HERC1: variants seen among roughly 807,000 people sequenced by gnomAD.
The protein encoded by HERC1 is HECT and RLD domain containing E3 ubiquitin protein ligase family member 1, also known as probable E3 ubiquitin-protein ligase HERC1.
In HERC1, 160 loss-of-function variants were observed where a neutral mutation model predicts 554.3. The observed-to-expected ratio is 0.29, with a 90% CI of 0.25 to 0.33. The LOEUF (loss-of-function observed/expected upper bound fraction) is 0.33. HERC1 is among the 10% of genes least tolerant of loss of function. HERC1 has a pLI of 1.00. For synonymous variants in HERC1, 2,175 were observed against 2,131.7 expected (o/e 1.02, Z -0.56); for missense variants, 4,919 against 5,918.5 (o/e 0.83, Z 5.54).
chr15:63,610,459 G>C (rs1595806840), intron 77 of HERC1, among the ~76,000 whole-genome samples: 1 of 152,214 alleles, frequency 6.6e-6, no homozygotes, highest in East Asian at 1.9e-4. Flanking sequence ...TTAACTCCTA[G>C]AACGGCAGGA....
chr15:63,829,394 G>T (rs2078049815), intron 1 of HERC1, among the ~76,000 whole-genome samples: 1 of 150,968 alleles, frequency 6.6e-6, no homozygotes, highest in Admixed American at 6.6e-5. Context: ...CGGCACTGCA[G>T]CCTGGGTGAC....
intron 1 of HERC1, among the ~76,000 whole-genome samples, chr15:63,826,814 AATATATATATATAT>A (rs1555454978): frequency 2.2e-4 from 5 of 22,262 alleles, no homozygotes; most frequent in Middle Eastern, 0.029. Context: ...AAAAAAAAAA[AATATATATATATAT>A]ATATATATAT....
intron 1 of HERC1, among the ~76,000 whole-genome samples, chr15:63,793,504 G>T (rs948421637): frequency 5.9e-5 from 9 of 152,128 alleles, no homozygotes; most frequent in African/African-American, 2.2e-4. Flanking sequence ...TCAGTTTCGG[G>T]AATTGCCCAC....
chr15:63,616,477 T>C lies in HERC1; in HGVS notation c.13894A>G (p.Ile4632Val), dbSNP rs781743102. 27 of 1,613,904 alleles carry C rather than the reference T, an allele frequency of 1.7e-5. No homozygotes were observed. Among genetic ancestry groups the C allele is most frequent in the Non-Finnish European group, 2.2e-5 (26 of 1,179,898 alleles). ...ATCCCACTGTCTTCAATGTGAAGAA[T>C]GCTGTTGAGAGTCTGCACGTAGAGC... Reference protein sequence around the residue: ...DLLYVQTLNSILHIEDSGITE... With the variant: ...DLLYVQTLNSVLHIEDSGITE... The change falls in exon 75 of 78, where the codon ATT (isoleucine) becomes GTT (valine). Residue 4632 changes from isoleucine (I) to valine (V), a missense_variant. Ile to Val is a conservative substitution (Grantham distance 29). Coordinates refer to ENST00000443617, the MANE Select transcript of HERC1 (RefSeq NM_003922.4).
Position 63,677,698 on chromosome 15 carries a change from C to T in HERC1, c.7070+147G>A, listed in dbSNP as rs1378872850. The T allele has an allele frequency of 2.4e-5, 32 of 1,333,110 alleles. No individual in the cohort carries two copies. In the Admixed American group the frequency reaches 4.5e-4, roughly 19 times the overall value. 82.6% of individuals were successfully genotyped at this position (1,333,110 alleles called of 1,614,324 possible). ...TAGGAAATTCTCCTTTAAGAAATTA[C>T]AGTAGAAACATCTAGCTGCATGAGA... On this transcript the variant is annotated intron_variant, in intron 37 of 77. Coordinates refer to ENST00000443617, the MANE Select transcript of HERC1 (RefSeq NM_003922.4). The surrounding 1 kb of genome is among the most constrained non-coding windows in gnomAD (Gnocchi z 4.4).
At chr15:63,760,557 G>A (rs1045209172) in intron 3 of HERC1, among the ~76,000 whole-genome samples, 2 of 150,744 alleles carry the variant, frequency 1.3e-5, no homozygotes, top group African/African-American at 2.4e-5. Flanking sequence ...TGGAACTGAA[G>A]ACTAAACTAG....
chr15:63,824,547 A>T (rs1451377171), intron 1 of HERC1, among the ~76,000 whole-genome samples: 9 of 151,314 alleles, frequency 5.9e-5, no homozygotes, highest in Non-Finnish European at 1.3e-4. Flanking sequence ...AAAAAAAAAA[A>T]AATTAAAAAG....
At chr15:63,743,466 T>C (rs1247641882) in intron 12 of HERC1, among the ~76,000 whole-genome samples, 1 of 152,038 alleles carries the variant, frequency 6.6e-6, no homozygotes, top group Non-Finnish European at 1.5e-5. Context: ...GGTTTCACCA[T>C]GTTGGCTAGG....
intron 12 of HERC1, among the ~76,000 whole-genome samples, chr15:63,735,354 T>A (rs1596103333): frequency 8.2e-6 from 1 of 121,550 alleles, no homozygotes; most frequent in Non-Finnish European, 1.6e-5. Flanking sequence ...TTAGAACACA[T>A]GGACACAGGA....
intron 2 of HERC1, among the ~76,000 whole-genome samples, chr15:63,768,561 C>G (rs2075853790): frequency 1.3e-5 from 2 of 152,208 alleles, no homozygotes; most frequent in South Asian, 4.1e-4. Flanking sequence ...CAATTGTGAT[C>G]TGTGGCTTCG....
intron 8 of HERC1, among the ~76,000 whole-genome samples, chr15:63,751,271 C>T (rs991236000): frequency 6.6e-6 from 1 of 152,178 alleles, no homozygotes; most frequent in African/African-American, 2.4e-5. Flanking sequence ...CATTATATTA[C>T]AATTTCTGAA....
At chr15:63,703,883 C>CT (rs1021411219) in intron 25 of HERC1, among the ~76,000 whole-genome samples, 1 of 150,716 alleles carries the variant, frequency 6.6e-6, no homozygotes, top group Non-Finnish European at 1.5e-5. Context: ...CACCACTGTA[C>CT]TCCAGCCTGG....
rs777142053 is a variant in HERC1, at chr15:63,678,202, A to G, written c.6713T>C (p.Met2238Thr). 1.2e-6 allele frequency: 2 copies of G among 1,613,752 alleles called. No homozygotes were observed. The highest frequency in any genetic ancestry group is 1.7e-6 in the Non-Finnish European group (2 of 1,179,848). The stretch of plus-strand genomic sequence containing the variant: ...TATCTTAATTTTGTGAAGCCTTTCC[A>G]TCATTTTTTTGTTAATGCAGTAAGT... ...RWTYCINKKM[M>T]ERLHKIKICI... Residue 2238 changes from methionine to threonine, a missense_variant, in exon 37 of 78, where the codon ATG becomes ACG. Met to Thr is a moderately conservative substitution (Grantham distance 81). Coordinates refer to ENST00000443617, the MANE Select transcript of HERC1 (RefSeq NM_003922.4).
In HERC1 at chr15:63,691,396, T is replaced by G. The variant is rs573923529; in HGVS notation, c.5831-749A>C. Among the ~76,000 whole-genome samples, 14 of 151,978 alleles carry G rather than the reference T, an allele frequency of 9.2e-5. No homozygotes were observed. In the South Asian group the frequency reaches 2.3e-3, roughly 25 times the overall value. ...CGGGAGGATCACTTGAGCCTGGAAG[T>G]GAGAGGTTGCAGTGAGTTGAGATCA... On this transcript the variant is annotated intron_variant, in intron 31 of 77. Transcript: ENST00000443617.
chr15:63,655,687 T>C, intron 50 of HERC1, 55 bp downstream of exon 50: 1 of 1,226,840 alleles, frequency 8.2e-7, no homozygotes, highest in Non-Finnish European at 1.1e-6. Flanking sequence ...AAAAACATTA[T>C]TTAAAAATAA....
chr15:63,675,088 G>C lies in HERC1; in HGVS notation c.7100C>G (p.Thr2367Ser). ...SFPTFWSPSD[T>S]PLYNLEPCEP... Reference sequence around the variant, plus strand: ...ACAGGGTTCCAGATTATACAATGGAGTATCACTAGGCGACCAAAAAGTTGG... The same window carrying C: ...ACAGGGTTCCAGATTATACAATGGACTATCACTAGGCGACCAAAAAGTTGG... Residue 2367 changes from threonine to serine, a missense_variant, in exon 38 of 78, where the codon ACT becomes AGT. Physicochemically the swap from Thr to Ser is moderately conservative, Grantham distance 58 (BLOSUM62 1). Coordinates refer to ENST00000443617, the MANE Select transcript of HERC1 (RefSeq NM_003922.4). 2 of 1,595,188 alleles carry C rather than the reference G, an allele frequency of 1.3e-6. No individual in the cohort carries two copies. The highest frequency in any genetic ancestry group is 1.7e-6 in the Non-Finnish European group (2 of 1,168,582).
chr15:63,608,827 T>C lies in HERC1; in HGVS notation c.*254A>G. ...GCACCAAAATGGTTTCATGCAAACT[T>C]ATCAAAAGTGACCAAAAATATGGAG... On this transcript the variant is annotated 3_prime_UTR_variant, in exon 78 of 78. Coordinates refer to ENST00000443617, the MANE Select transcript of HERC1 (RefSeq NM_003922.4). 2.9e-6 allele frequency: 1 copy of C among 341,638 alleles called. No individual in the cohort carries two copies. 21.2% of individuals were successfully genotyped at this position (341,638 alleles called of 1,614,324 possible).
Position 63,680,688 on chromosome 15 carries a change from G to C in HERC1, c.6314C>G (p.Thr2105Ser). The C allele has an allele frequency of 6.2e-7, 1 of 1,613,730 alleles. No individual in the cohort carries two copies. The highest frequency in any genetic ancestry group is 8.5e-7 in the Non-Finnish European group (1 of 1,179,728). The change falls in exon 35 of 78, where the codon ACC becomes AGC. Residue 2105 changes from threonine to serine, a missense_variant. By Grantham distance (58) the Thr-to-Ser change is moderately conservative. Transcript: ENST00000443617. The surrounding 1 kb of genome is among the most constrained non-coding windows in gnomAD (Gnocchi z 5.8). The stretch of plus-strand genomic sequence containing the variant: ...GGCCCTATAGAGCCACATATCCGAG[G>C]TAGTGCGGTGATTAAAGTCATGTAC... ...WPVHDFNHRTTSDMWLYRAYS... is the reference protein window; with the variant it reads ...WPVHDFNHRTSSDMWLYRAYS...
chr15:63,819,648 A>T (rs756547006), intron 1 of HERC1, among the ~76,000 whole-genome samples: 19 of 152,308 alleles, frequency 1.2e-4, no homozygotes, highest in Non-Finnish European at 2.8e-4. Context: ...AATCAAAGCA[A>T]TAGGTAGTCT....
Sources: allele counts gnomAD v4.1 joint callset (sites outside exome capture counted in the v4.1 genomes callset), GRCh38; gene constraint gnomAD v4.1.1; non-coding constraint Gnocchi (gnomAD v3.1); transcripts MANE v1.5; gene names NCBI Gene and HGNC (gene_info 2026-07-23, HGNC 2026-07-21).